Variants in ARF3 observed in about 807,000 individuals in gnomAD.
The protein encoded by ARF3 is ADP-ribosylation factor 3.
ARF3 carries 5 observed loss-of-function variants against 19.3 expected under a neutral mutation model. That is an observed-to-expected ratio of 0.26 (90% confidence interval 0.14 to 0.54). The LOEUF (loss-of-function observed/expected upper bound fraction) is 0.54, where lower values mean the gene tolerates loss of function less well. Among genes scored for constraint, ARF3 ranks in the 20% least tolerant of loss-of-function variants. The pLI is 0.95. For synonymous variants in ARF3, 71 were observed against 89.2 expected, an observed-to-expected ratio of 0.80 and a Z score of 1.15; for missense variants, 77 against 234.2, an observed-to-expected ratio of 0.33 and a Z score of 4.38.
chr12:48,951,926 G>T (rs892290177), intron 1 of ARF3, among the ~76,000 whole-genome samples: 1 of 151,584 alleles, frequency 6.6e-6, no homozygotes, highest in Non-Finnish European at 1.5e-5. Flanking sequence ...ATAAAATAGC[G>T]GGCAGAAAAG....
chr12:48,937,653 A>G lies in ARF3; in HGVS notation c.*1294T>C, dbSNP rs916328238. The G allele has an allele frequency of 6.6e-6, 1 of 152,370 alleles. No individual in the cohort carries two copies. Among genetic ancestry groups the G allele is most frequent in the Non-Finnish European group, 1.5e-5 (1 of 68,090 alleles). The allele number at this position is 152,370 out of a possible 1,614,324, so 9.4% of individuals were successfully genotyped here. On this transcript the variant is annotated 3_prime_UTR_variant, in exon 5 of 5. Transcript: ENST00000256682. ...CAGCAAGGATGGTCTGAGGGCCTGGAAACAATAGAAAATCTTCGTCCTTTA... is the reference window on the plus strand; with the variant it reads ...CAGCAAGGATGGTCTGAGGGCCTGGGAACAATAGAAAATCTTCGTCCTTTA...
chr12:48,954,644 G>A (rs931737520), intron 1 of ARF3, among the ~76,000 whole-genome samples: 1 of 152,144 alleles, frequency 6.6e-6, no homozygotes, highest in Non-Finnish European at 1.5e-5. Flanking sequence ...AGCAGAAGCA[G>A]GATTTGAATC....
At position 48,941,139 on chromosome 12, in the gene ARF3, G is replaced by A; in HGVS notation, c.-44C>T. 6.3e-7 allele frequency: 1 copy of A among 1,577,130 alleles called. No homozygotes were observed. The highest frequency in any genetic ancestry group is 1.2e-5 in the South Asian group (1 of 86,416). On this transcript the variant is annotated 5_prime_UTR_variant, in exon 2 of 5. Transcript: ENST00000256682. ...CTGGGGACAGTGGGGCCCAAGTAGG[G>A]GCAGTGGCAGTCTGGTTTTGGCCTG...
chr12:48,950,678 CT>C (rs1345731802), intron 1 of ARF3, among the ~76,000 whole-genome samples: 6 of 152,172 alleles, frequency 3.9e-5, no homozygotes, highest in Admixed American at 3.9e-4. Context: ...CCCAATCCCC[CT>C]GTCCCTCCAG....
intron 1 of ARF3, among the ~76,000 whole-genome samples, chr12:48,951,651 G>A (rs1271462084): frequency 6.6e-5 from 10 of 152,224 alleles, no homozygotes; most frequent in Admixed American, 3.9e-4. Context: ...AGGCCAAGGC[G>A]GGCGGGTCAC....
intron 1 of ARF3, among the ~76,000 whole-genome samples, chr12:48,943,705 G>A (rs753048894): frequency 6.6e-6 from 1 of 152,072 alleles, no homozygotes; most frequent in Non-Finnish European, 1.5e-5. Context: ...TAGTTTGTCC[G>A]AAAAAACAGA....
intron 1 of ARF3, among the ~76,000 whole-genome samples, chr12:48,952,958 C>T (rs1940494989): frequency 1.3e-5 from 2 of 152,220 alleles, no homozygotes; most frequent in Admixed American, 1.3e-4. Flanking sequence ...TTGGGCCAGC[C>T]ATCTCAGATT....
intron 1 of ARF3, among the ~76,000 whole-genome samples, chr12:48,943,468 A>C (rs1018415298): frequency 1.3e-5 from 2 of 152,128 alleles, no homozygotes; most frequent in African/African-American, 4.8e-5. Flanking sequence ...ACACACCCCA[A>C]ACTCAGCAGC....
Position 48,940,917 on chromosome 12 carries a change from G to A in ARF3, c.148+31C>T, listed in dbSNP as rs199685369. 2.7e-4 allele frequency: 416 copies of A among 1,529,992 alleles called. 2 individuals carry two copies. The highest frequency in any genetic ancestry group is 1.8e-4 in the Middle Eastern group (1 of 5,440). 94.8% of individuals were successfully genotyped at this position (1,529,992 alleles called of 1,614,324 possible). ...TCCCTGCCCTGCCTCAGCTGCCGGC[G>A]TGAAAGCCCACATCCAAGCTGTGCT... On this transcript the variant is annotated intron_variant, in intron 2 of 4. Transcript: ENST00000256682.
intron 1 of ARF3, chr12:48,955,842 G>A (rs1940555751): frequency 6.6e-6 from 1 of 152,224 alleles, no homozygotes; most frequent in Admixed American, 6.5e-5. Context: ...GGACGCATGT[G>A]AATATGTGAT....
intron 1 of ARF3, among the ~76,000 whole-genome samples, chr12:48,942,108 G>A (rs1940269881): frequency 6.6e-6 from 1 of 152,004 alleles, no homozygotes; most frequent in South Asian, 2.1e-4. Flanking sequence ...CTCCTTTTCA[G>A]TAAAACCCAA....
At chr12:48,947,962 T>C (rs992727477) in intron 1 of ARF3, among the ~76,000 whole-genome samples, 7 of 108,422 alleles carry the variant, frequency 6.5e-5, no homozygotes, top group Non-Finnish European at 8.4e-5. Flanking sequence ...TCCCAGCACT[T>C]TGGGAGGCTG....
At chr12:48,942,335 C>T (rs1940273887) in intron 1 of ARF3, among the ~76,000 whole-genome samples, 1 of 151,968 alleles carries the variant, frequency 6.6e-6, no homozygotes, top group South Asian at 2.1e-4. Context: ...CCTGCCTTAG[C>T]CTCCCAGGGC....
rs561404651 is a variant in ARF3 at position 48,942,328 on chromosome 12, GC to G, written c.-93-1141del. Among the ~76,000 whole-genome samples, 15 of 149,874 alleles carry G rather than the reference GC, an allele frequency of 1.0e-4. No homozygotes were observed. In the East Asian group the frequency reaches 3.0e-3, roughly 30 times the overall value. On this transcript the variant is annotated intron_variant, in intron 1 of 4. Transcript: ENST00000256682. ...ACTCCTGGGTTCAAGCAATCCTCCT[GC>G]CTTAGCCTCCCAGGGCACTGGGATT...
intron 1 of ARF3, among the ~76,000 whole-genome samples, chr12:48,954,848 C>G (rs1033171769): frequency 6.6e-6 from 1 of 151,840 alleles, no homozygotes; most frequent in African/African-American, 2.4e-5. Flanking sequence ...AGTGAGATCT[C>G]TACAAAAAGT....
intron 1 of ARF3, among the ~76,000 whole-genome samples, chr12:48,944,432 T>G (rs1216756759): frequency 6.6e-6 from 1 of 152,264 alleles, no homozygotes; most frequent in African/African-American, 2.4e-5. Context: ...TTACTTTGAA[T>G]GACCTTAACC....
rs915036523 is a variant in ARF3 at position 48,937,109 on chromosome 12, C to G, written c.*1838G>C. ...CACACCTGCTGCATCCTGGGTAACA[C>G]ATCACTAAGTAACTGGCACTGAGGG... On this transcript the variant is annotated 3_prime_UTR_variant, in exon 5 of 5. Transcript: ENST00000256682. 1 of 152,596 alleles carries G rather than the reference C, an allele frequency of 6.6e-6. No individual in the cohort carries two copies. Among genetic ancestry groups the G allele is most frequent in the Admixed American group, 6.5e-5 (1 of 15,280 alleles). 9.5% of individuals were successfully genotyped at this position (152,596 alleles called of 1,614,324 possible).
At chr12:48,946,794 C>T (rs1036791121) in intron 1 of ARF3, among the ~76,000 whole-genome samples, 2 of 152,182 alleles carry the variant, frequency 1.3e-5, no homozygotes, top group Admixed American at 1.3e-4. Context: ...GTTGCAGGAA[C>T]GTGCCTGCCT....
Position 48,939,989 on chromosome 12 carries a change from G to A in ARF3, c.259+8C>T, listed in dbSNP as rs781644306. 10 of 1,613,194 alleles carry A rather than the reference G, an allele frequency of 6.2e-6. No homozygotes were observed. In the East Asian group the frequency reaches 1.3e-4, roughly 22 times the overall value. ...TACCCAACCAACCCACGCTAGGCCTGAGCATACCTTGGGTGTTCTGGAAGT... is the reference window on the plus strand; with the variant it reads ...TACCCAACCAACCCACGCTAGGCCTAAGCATACCTTGGGTGTTCTGGAAGT... On this transcript the variant is annotated splice_region_variant and intron_variant, in intron 3 of 4. Transcript: ENST00000256682. The surrounding 1 kb of genome is among the most constrained non-coding windows in gnomAD (Gnocchi z 4.8).
Sources: gnomAD v4.1 joint callset for allele counts (sites outside exome capture counted in the v4.1 genomes callset) on GRCh38, gnomAD v4.1.1 for gene constraint, Gnocchi (gnomAD v3.1) non-coding constraint, MANE v1.5 for transcripts, NCBI Gene and HGNC (gene_info 2026-07-23, HGNC 2026-07-21) for gene names.